Variants in PICALM observed in about 807,000 individuals in gnomAD.
The protein encoded by PICALM is phosphatidylinositol-binding clathrin assembly protein.
A neutral mutation model predicts 80.5 loss-of-function variants in PICALM; 40 were observed. The observed-to-expected ratio is 0.50, with a 90% CI of 0.39 to 0.65. The LOEUF (loss-of-function observed/expected upper bound fraction) is 0.65, where lower values mean the gene tolerates loss of function less well. Among genes scored for constraint, PICALM ranks in the 30% least tolerant of loss-of-function variants. The pLI, the probability that PICALM is intolerant of heterozygous loss-of-function variation, is 0.00. For missense variants in PICALM, 676 were observed against 778.9 expected (o/e 0.87, Z 1.57); for synonymous variants, 288 against 260.3 (o/e 1.11, Z -1.02).
Position 85,979,644 on chromosome 11 carries a change from T to C in PICALM, c.1779+1485A>G, listed in dbSNP as rs139250181. ...TGAAGTCTTAAGCTATATAATAAAA[T>C]GCACAAATTTTAACAAACATACTAT... On this transcript the variant is annotated intron_variant, in intron 17 of 19. Coordinates refer to ENST00000393346, the MANE Select transcript of PICALM (RefSeq NM_007166.4). Among the ~76,000 whole-genome samples, 342 of 152,274 alleles carry C rather than the reference T, an allele frequency of 2.2e-3. 2 individuals carry two copies. Among genetic ancestry groups the C allele is most frequent in the African/African-American group, 7.9e-3 (329 of 41,542 alleles).
chr11:86,026,160 T>C, intron 3 of PICALM, 132 bp downstream of exon 3: 1 of 594,096 alleles, frequency 1.7e-6, no homozygotes, highest in Non-Finnish European at 3.0e-6. Context: ...GACAGTTTTT[T>C]CTTTCCTACA....
chr11:85,970,284 C>T (rs2094057374), intron 19 of PICALM, among the ~76,000 whole-genome samples: 1 of 152,090 alleles, frequency 6.6e-6, no homozygotes, highest in South Asian at 2.1e-4. Context: ...AAAGGGACAC[C>T]AGATGACTGA....
Position 86,068,673 on chromosome 11 carries a change from C to T in PICALM, c.108G>A (p.Gly36=), listed in dbSNP as rs745912361. 82 of 1,612,976 alleles carry T rather than the reference C, an allele frequency of 5.1e-5. No homozygotes were observed. The highest frequency in any genetic ancestry group is 6.8e-5 in the Non-Finnish European group (80 of 1,179,602). ...VCKATTHEIM[G]PKKKHLDYLI... is the part of the protein sequence containing the mutation. ...CACAGTCCAGGTGCTTTTTCTTGGGCCCCATGATCTCGTGGGTCGTGGCCT... is the reference window on the plus strand; with the variant it reads ...CACAGTCCAGGTGCTTTTTCTTGGGTCCCATGATCTCGTGGGTCGTGGCCT... The change falls in exon 1 of 20, where the codon GGG becomes GGA. Residue 36 remains glycine, a synonymous_variant. Transcript: ENST00000393346.
chr11:85,991,589 A>C (rs1395576608), intron 12 of PICALM, among the ~76,000 whole-genome samples: 2 of 152,132 alleles, frequency 1.3e-5, no homozygotes, highest in African/African-American at 4.8e-5. Flanking sequence ...TTTTAAAAAC[A>C]ACACATCTTT....
At chr11:85,975,090 AC>A (rs1230951495) in intron 18 of PICALM, among the ~76,000 whole-genome samples, 3 of 152,252 alleles carry the variant, frequency 2.0e-5, no homozygotes, top group Non-Finnish European at 4.4e-5. Flanking sequence ...TTATTGTATT[AC>A]AACAGATAAA....
chr11:86,014,314 C>CA (rs2095445540), intron 5 of PICALM, among the ~76,000 whole-genome samples: 2 of 152,016 alleles, frequency 1.3e-5, no homozygotes, highest in African/African-American at 2.4e-5. Flanking sequence ...AGATAGATGA[C>CA]AAAAAAACAG....
intron 19 of PICALM, chr11:85,960,834 C>T (rs1299670776): frequency 9.4e-6 from 7 of 748,526 alleles, no homozygotes; most frequent in Admixed American, 4.0e-5. Context: ...AATGACAGAA[C>T]ATGAAAGCAG....
At chr11:85,975,838 C>A (rs913446078) in intron 18 of PICALM, among the ~76,000 whole-genome samples, 6 of 152,094 alleles carry the variant, frequency 3.9e-5, no homozygotes, top group Admixed American at 3.3e-4. Context: ...CTCAGGTGAT[C>A]CACCCACCTT....
chr11:85,977,771 C>T (rs2094326308), intron 17 of PICALM, among the ~76,000 whole-genome samples: 1 of 152,164 alleles, frequency 6.6e-6, no homozygotes, highest in Non-Finnish European at 1.5e-5. Flanking sequence ...ATCAACATTT[C>T]CCTTCATTCA....
intron 13 of PICALM, among the ~76,000 whole-genome samples, 192 bp from the exon 14 acceptor site, chr11:85,984,165 C>G (rs2094517317): frequency 6.6e-6 from 1 of 150,404 alleles, no homozygotes; most frequent in African/African-American, 2.4e-5. Context: ...AATCATCCTA[C>G]TGACAAAATT....
intron 17 of PICALM, among the ~76,000 whole-genome samples, chr11:85,979,550 A>C (rs554893093): frequency 6.6e-6 from 1 of 152,258 alleles, no homozygotes; most frequent in South Asian, 2.1e-4. Flanking sequence ...GTCTGAAAGA[A>C]AACAAAAACA....
rs2094452270 is a variant in PICALM, at chr11:85,981,891, A to G, written c.1629T>C (p.Ser543=). 1 of 1,614,024 alleles carries G rather than the reference A, an allele frequency of 6.2e-7. No homozygotes were observed. The highest frequency in any genetic ancestry group is 1.7e-5 in the Admixed American group (1 of 60,030). The change falls in exon 15 of 20, where the codon TCT becomes TCC. Residue 543 remains serine, a synonymous_variant. Coordinates refer to ENST00000393346, the MANE Select transcript of PICALM (RefSeq NM_007166.4). ...SKLVSDDLDS[S]LANLVGNLGI... ...ACTTACTGCCCACAAGGTTGGCTAAAGATGAATCCAAGTCATCAGATACTA... is the reference window on the plus strand; with the variant it reads ...ACTTACTGCCCACAAGGTTGGCTAAGGATGAATCCAAGTCATCAGATACTA...
chr11:86,031,629 T>A lies in PICALM; in HGVS notation c.131-18A>T, dbSNP rs1412747122. The A allele has an allele frequency of 1.9e-6, 3 of 1,573,240 alleles. No homozygotes were observed. Among genetic ancestry groups the A allele is most frequent in the Admixed American group, 1.8e-5 (1 of 55,284 alleles). On this transcript the variant is annotated intron_variant, in intron 1 of 19. Coordinates refer to ENST00000393346, the MANE Select transcript of PICALM (RefSeq NM_007166.4). ...AATTAAGTCTGCAATAAAAAATTTT[T>A]AAATGATTAATTTCCTCTGTGGTTT...
At chr11:86,022,090 G>A (rs2095573989) in intron 4 of PICALM, among the ~76,000 whole-genome samples, 4 of 152,232 alleles carry the variant, frequency 2.6e-5, no homozygotes, top group Non-Finnish European at 5.9e-5. Flanking sequence ...GAAATTAGTG[G>A]TGATGTTGGA....
chr11:85,957,208 TA>T lies in PICALM; in HGVS notation c.*1837del, dbSNP rs547737860. Reference sequence around the variant, plus strand: ...AAAATGGTTTAATAATACTGAAACTTAAAAGCTGATAAAATTTATTGGCTAC... The same window carrying T: ...AAAATGGTTTAATAATACTGAAACTTAAAGCTGATAAAATTTATTGGCTAC... On this transcript the variant is annotated 3_prime_UTR_variant, in exon 20 of 20. Coordinates refer to ENST00000393346, the MANE Select transcript of PICALM (RefSeq NM_007166.4). Among the ~76,000 whole-genome samples, 276 of 152,258 alleles carry T rather than the reference TA, an allele frequency of 1.8e-3. No homozygotes were observed. Among genetic ancestry groups the T allele is most frequent in the African/African-American group, 6.3e-3 (262 of 41,546 alleles).
At chr11:85,974,408 T>G (rs192250060) in intron 19 of PICALM, 5 of 541,960 alleles carry the variant, frequency 9.2e-6, no homozygotes, top group Non-Finnish European at 1.8e-5. Context: ...CAAAGGATAC[T>G]ACACCAGAAT....
At chr11:86,020,882 C>CTTA (rs907573751) in intron 4 of PICALM, among the ~76,000 whole-genome samples, 18 of 152,134 alleles carry the variant, frequency 1.2e-4, no homozygotes, top group Non-Finnish European at 2.4e-4. Context: ...AAAAGATACA[C>CTTA]TTAATTAATT....
chr11:85,974,415 G>C (rs1453868386), intron 19 of PICALM: 2 of 547,134 alleles, frequency 3.7e-6, no homozygotes, highest in Non-Finnish European at 7.2e-6. Context: ...TACTACACCA[G>C]AATCACGAAG....
chr11:86,031,713 G>T, intron 1 of PICALM, 102 bp from the exon 2 acceptor site: 1 of 786,348 alleles, frequency 1.3e-6, no homozygotes, highest in South Asian at 1.9e-5. Context: ...ACACAAAGTG[G>T]AGCAGTAATA....
Sources: allele counts gnomAD v4.1 joint callset (sites outside exome capture counted in the v4.1 genomes callset), GRCh38; gene constraint gnomAD v4.1.1; transcripts MANE v1.5; gene names NCBI Gene and HGNC (gene_info 2026-07-23, HGNC 2026-07-21).